The following ARHGEF37 variants were observed in gnomAD, a reference collection of about 807,000 sequenced individuals.
ARHGEF37 encodes the protein Rho guanine nucleotide exchange factor (GEF) 37.
In ARHGEF37, 55 loss-of-function variants were observed where a neutral mutation model predicts 71.1. That is an observed-to-expected ratio of 0.77 (90% CI 0.62 to 0.97). The LOEUF (loss-of-function observed/expected upper bound fraction) is 0.97. ARHGEF37 is among the 50% of genes least tolerant of loss of function. ARHGEF37 has a pLI of 0.00. For missense variants in ARHGEF37, 765 were observed against 836.8 expected (o/e 0.91, Z 1.06); for synonymous variants, 327 against 350.6 (o/e 0.93, Z 0.75).
At chr5:149,612,230 C>G (rs544719154) in intron 4 of ARHGEF37, among the ~76,000 whole-genome samples, 1 of 152,088 alleles carries the variant, frequency 6.6e-6, no homozygotes, top group East Asian at 1.9e-4. Flanking sequence ...TGCAGTGGCG[C>G]GATCTCGGCC....
intron 3 of ARHGEF37, among the ~76,000 whole-genome samples, chr5:149,603,539 T>C (rs1248871560): frequency 6.6e-6 from 1 of 152,198 alleles, no homozygotes; most frequent in Non-Finnish European, 1.5e-5. Context: ...ATACTGTGTG[T>C]TTATCATTCC....
Position 149,597,914 on chromosome 5 carries a change from C to T in ARHGEF37, c.145C>T (p.Leu49Phe), listed in dbSNP as rs1163315321. 6.2e-7 allele frequency: 1 copy of T among 1,605,482 alleles called. No homozygotes were observed. Among genetic ancestry groups the T allele is most frequent in the East Asian group, 2.3e-5 (1 of 44,368 alleles). ...CACTGAGGTCTCCTACTTGCACATGCTCCAGCTCTGTGCCTCTGACATCAG... is the reference window on the plus strand; with the variant it reads ...CACTGAGGTCTCCTACTTGCACATGTTCCAGCTCTGTGCCTCTGACATCAG... ...IDTEVSYLHM[L>F]QLCASDIRSR... Residue 49 changes from leucine to phenylalanine, a missense_variant, in exon 2 of 13, where the codon CTC becomes TTC. Leu to Phe is a conservative substitution (Grantham distance 22). Coordinates refer to ENST00000333677, the MANE Select transcript of ARHGEF37 (RefSeq NM_001001669.3).
At position 149,609,779 on chromosome 5, in the gene ARHGEF37, C is replaced by T. The variant is rs527517195; in HGVS notation, c.458+84C>T. 4.9e-5 allele frequency: 76 copies of T among 1,561,380 alleles called. No individual in the cohort carries two copies. The African/African-American group carries it at 8.5e-4, about 17-fold the overall frequency. ...CTATGGTCTCACCCCTTTTTCATGC[C>T]ATTCGTGCTGCTTCACGAGTGTTGC... On this transcript the variant is annotated intron_variant, in intron 4 of 12. Coordinates refer to ENST00000333677, the MANE Select transcript of ARHGEF37 (RefSeq NM_001001669.3).
At position 149,627,261 on chromosome 5, in the gene ARHGEF37, G is replaced by A. The variant is rs761088887; in HGVS notation, c.1650G>A (p.Val550=). 66 of 1,613,400 alleles carry A rather than the reference G, an allele frequency of 4.1e-5. No individual in the cohort carries two copies. Among genetic ancestry groups the A allele is most frequent in the Non-Finnish European group, 5.3e-5 (62 of 1,179,912 alleles). ...DTKGNSGRWL[V]DTGGHRGYVP... ...AAGGCAACAGCGGCCGCTGGCTGGTGGACACCGGGGGTACGTGAGCCTTTG... is the reference window on the plus strand; with the variant it reads ...AAGGCAACAGCGGCCGCTGGCTGGTAGACACCGGGGGTACGTGAGCCTTTG... The change falls in exon 11 of 13, where the codon GTG becomes GTA. Residue 550 remains valine, a synonymous_variant. Coordinates refer to ENST00000333677, the MANE Select transcript of ARHGEF37 (RefSeq NM_001001669.3).
intron 2 of ARHGEF37, among the ~76,000 whole-genome samples, chr5:149,598,785 G>C (rs975786788): frequency 1.3e-4 from 19 of 143,158 alleles, no homozygotes; most frequent in Non-Finnish European, 2.6e-4. Context: ...TAGATATATA[G>C]ATATAGATAT....
intron 1 of ARHGEF37, among the ~76,000 whole-genome samples, chr5:149,592,477 C>A (rs180853140): frequency 9.2e-5 from 14 of 152,270 alleles, no homozygotes; most frequent in African/African-American, 2.2e-4. Context: ...ATCAGCAGTT[C>A]GTTCCTTTTC....
At chr5:149,591,152 G>T (rs886163025) in intron 1 of ARHGEF37, among the ~76,000 whole-genome samples, 3 of 151,224 alleles carry the variant, frequency 2.0e-5, no homozygotes, top group South Asian at 2.1e-4. Context: ...GCTCTCTGTG[G>T]TCTCAACCTC....
chr5:149,589,743 T>TGG (rs1455099048), intron 1 of ARHGEF37, among the ~76,000 whole-genome samples: 1 of 151,986 alleles, frequency 6.6e-6, no homozygotes, highest in Non-Finnish European at 1.5e-5. Context: ...CAGGTGATCC[T>TGG]CCCGACCTAA....
chr5:149,632,452 T>C lies in ARHGEF37; in HGVS notation c.*261T>C. The C allele has an allele frequency of 4.1e-6, 2 of 492,634 alleles. No homozygotes were observed. The highest frequency in any genetic ancestry group is 7.4e-6 in the Non-Finnish European group (2 of 269,738). The allele number at this position is 492,634 out of a possible 1,614,324, so 30.5% of individuals were successfully genotyped here. On this transcript the variant is annotated 3_prime_UTR_variant, in exon 13 of 13. Transcript: ENST00000333677. ...TTCCGACCTGGGGTCACAATGCACT[T>C]GGACAGCAGGTCACAGCTGATTGGC...
chr5:149,622,451 C>T (rs1752575013), intron 9 of ARHGEF37, among the ~76,000 whole-genome samples: 1 of 152,230 alleles, frequency 6.6e-6, no homozygotes, highest in Non-Finnish European at 1.5e-5. Context: ...ACTATTACTA[C>T]TTCCAGCAGC....
At chr5:149,580,147 G>A (rs1342246102), upstream of ARHGEF37, among the ~76,000 whole-genome samples, 2 of 151,806 alleles carry the variant, frequency 1.3e-5, no homozygotes, top group South Asian at 2.1e-4. Flanking sequence ...TGCAACCTCC[G>A]CCTCCAGGAT....
chr5:149,568,383 T>C (rs1267531677), intron 1 of ARHGEF37, among the ~76,000 whole-genome samples: 1 of 152,208 alleles, frequency 6.6e-6, no homozygotes, highest in Non-Finnish European at 1.5e-5. Flanking sequence ...TGCTAACCTG[T>C]ACCTCCGAAA....
rs1752904990 is a variant in ARHGEF37, at chr5:149,632,192, G to C, written c.*1G>C. The C allele has an allele frequency of 6.2e-7, 1 of 1,613,730 alleles. No individual in the cohort carries two copies. Among genetic ancestry groups the C allele is most frequent in the Non-Finnish European group, 8.5e-7 (1 of 1,179,848 alleles). On this transcript the variant is annotated 3_prime_UTR_variant, in exon 13 of 13. Coordinates refer to ENST00000333677, the MANE Select transcript of ARHGEF37 (RefSeq NM_001001669.3). The stretch of plus-strand genomic sequence containing the variant: ...GTGGGGCTGGAGTCTGCCCTCTTAG[G>C]GTACCCTCTTTGGAGCCTACATTGC...
At chr5:149,620,246 G>C (rs149358807) in intron 7 of ARHGEF37, 108 bp from the exon 8 acceptor site, 1 of 691,446 alleles carries the variant, frequency 1.4e-6, no homozygotes, top group Non-Finnish European at 2.5e-6. Context: ...CTCATTGGGG[G>C]TGTGTAGAGA....
rs1352660267 is a variant in ARHGEF37, at chr5:149,633,056, A to G, written c.*865A>G. The G allele has an allele frequency of 6.5e-6, 1 of 152,718 alleles. No individual in the cohort carries two copies. Among genetic ancestry groups the G allele is most frequent in the African/African-American group, 2.4e-5 (1 of 41,470 alleles). The allele number at this position is 152,718 out of a possible 1,614,324, so 9.5% of individuals were successfully genotyped here. ...ATGGCTTGCTTTCCTGTTTCTGGTT[A>G]GAAGGGGAGCCAGGGGGAACCCCCA... On this transcript the variant is annotated 3_prime_UTR_variant, in exon 13 of 13. Coordinates refer to ENST00000333677, the MANE Select transcript of ARHGEF37 (RefSeq NM_001001669.3).
chr5:149,554,525 A>G (rs893458689), intron 1 of ARHGEF37, among the ~76,000 whole-genome samples: 2 of 152,174 alleles, frequency 1.3e-5, no homozygotes, highest in Admixed American at 6.5e-5. Flanking sequence ...TATAGTCACC[A>G]TTCCAACACT....
rs1197987502 is a variant in ARHGEF37 at position 149,631,979 on chromosome 5, CA to C, written c.1819-2del. ...TTTCTGTGTCACTCCCCATGTGTTT[CA>C]GGTCATAGCCGCGTACCCTTTTGTG... On this transcript the variant is annotated splice_acceptor_variant, in intron 12 of 12. Coordinates refer to ENST00000333677, the MANE Select transcript of ARHGEF37 (RefSeq NM_001001669.3). LOFTEE classifies it high-confidence loss of function. 3.7e-6 allele frequency: 6 copies of C among 1,613,902 alleles called. No individual in the cohort carries two copies. In the Admixed American group the frequency reaches 1.0e-4, roughly 27 times the overall value.
At chr5:149,615,551 A>G (rs537912717) in intron 4 of ARHGEF37, among the ~76,000 whole-genome samples, 122 of 152,162 alleles carry the variant, frequency 8.0e-4, no homozygotes, top group Middle Eastern at 3.4e-3. Context: ...TTTTACCCCT[A>G]AATACTTTAA....
At chr5:149,587,555 C>A (rs1763271565) in intron 1 of ARHGEF37, among the ~76,000 whole-genome samples, 1 of 152,178 alleles carries the variant, frequency 6.6e-6, no homozygotes, top group Non-Finnish European at 1.5e-5. Context: ...TGACATTTTT[C>A]TGGCTCCAGG....
Sources: allele counts gnomAD v4.1 joint callset (sites outside exome capture counted in the v4.1 genomes callset), GRCh38; gene constraint gnomAD v4.1.1; transcripts MANE v1.5; gene names NCBI Gene and HGNC (gene_info 2026-07-23, HGNC 2026-07-21).